PRDM9: variants seen among roughly 807,000 people sequenced by gnomAD.
PRDM9 encodes histone-lysine N-methyltransferase PRDM9.
In PRDM9, 47 loss-of-function variants were observed where a neutral mutation model predicts 55.6. The ratio of observed to expected loss-of-function variants is 0.85; its 90% CI spans 0.67 to 1.08. The LOEUF is 1.08. PRDM9 is among the 50% of genes least tolerant of loss of function. The pLI is 0.00. For synonymous variants in PRDM9, 312 were observed against 375.7 expected (o/e 0.83, Z 1.96); for missense variants, 867 against 1,040.3 (o/e 0.83, Z 2.29).
intron 4 of PRDM9, among the ~76,000 whole-genome samples, chr5:23,510,521 C>A (rs1561016767): frequency 6.6e-6 from 1 of 151,292 alleles, no homozygotes; most frequent in Non-Finnish European, 1.5e-5. Flanking sequence ...CCATGCCAAG[C>A]TAATTTTTGT....
rs1739513805 is a variant in PRDM9, at chr5:23,527,928, C to T, written c.*155C>T. ...AAGAGATCGGAAATAACTGATTAAA[C>T]AAATCCGCCACTTTCATGACTAGAG... On this transcript the variant is annotated 3_prime_UTR_variant, in exon 11 of 11. Coordinates refer to ENST00000296682, the MANE Select transcript of PRDM9 (RefSeq NM_020227.4). 1.0e-6 allele frequency: 1 copy of T among 978,938 alleles called. No homozygotes were observed. The allele number at this position is 978,938 out of a possible 1,614,324, so 60.6% of individuals were successfully genotyped here. A position where few individuals can be genotyped will look rare whatever the true frequency, so the allele number is the denominator to read the frequency against.
chr5:23,509,479 G>A lies in PRDM9; in HGVS notation c.79G>A (p.Ala27Thr). 1 of 1,614,164 alleles carries A rather than the reference G, an allele frequency of 6.2e-7. No homozygotes were observed. The highest frequency in any genetic ancestry group is 2.2e-5 in the East Asian group (1 of 44,872). The change falls in exon 3 of 11, where the codon GCC becomes ACC. Residue 27 changes from alanine to threonine, a missense_variant. Physicochemically the swap from Ala to Thr is moderately conservative, Grantham distance 58. Around this residue, in one of 5 missense-constraint regions of PRDM9, gnomAD observed 662 missense variants for 711.9 expected, o/e 0.93. Coordinates refer to ENST00000296682, the MANE Select transcript of PRDM9 (RefSeq NM_020227.4). The stretch of plus-strand genomic sequence containing the variant: ...CTGTTACTTCCTCTAGGTCAAAGAT[G>A]CCTTCAAAGACATTTCCATATACTT... Reference protein sequence around the residue: ...RTERKPMVKDAFKDISIYFTK... With the variant: ...RTERKPMVKDTFKDISIYFTK...
At chr5:23,517,964 C>T in intron 5 of PRDM9, 34 bp downstream of exon 5, 2 of 1,536,450 alleles carry the variant, frequency 1.3e-6, no homozygotes, top group East Asian at 2.2e-5. Flanking sequence ...GACAAGAAAC[C>T]TTCCTCATGG....
intron 4 of PRDM9, among the ~76,000 whole-genome samples, chr5:23,514,291 A>C (rs1322015146): frequency 2.0e-5 from 3 of 152,168 alleles, no homozygotes; most frequent in Non-Finnish European, 2.9e-5. Flanking sequence ...CCTGGAAGTA[A>C]AAAATCAGAG....
At position 23,527,910 on chromosome 5, in the gene PRDM9, C is replaced by G; in HGVS notation, c.*137C>G. 9.0e-7 allele frequency: 1 copy of G among 1,114,942 alleles called. No homozygotes were observed. Among genetic ancestry groups the G allele is most frequent in the Non-Finnish European group, 1.3e-6 (1 of 759,732 alleles). The allele number at this position is 1,114,942 out of a possible 1,614,324, so 69.1% of individuals were successfully genotyped here. On this transcript the variant is annotated 3_prime_UTR_variant, in exon 11 of 11. Coordinates refer to ENST00000296682, the MANE Select transcript of PRDM9 (RefSeq NM_020227.4). ...ATATTCCCCGAGAGTATAAAGAGAT[C>G]GGAAATAACTGATTAAACAAATCCG...
chr5:23,517,027 C>T (rs370896016), intron 4 of PRDM9, among the ~76,000 whole-genome samples: 2 of 150,540 alleles, frequency 1.3e-5, no homozygotes, highest in Admixed American at 1.3e-4. Context: ...GTGGTGGGCG[C>T]CTGTAGTCCC....
rs758691394 is a variant in PRDM9 at position 23,521,179 on chromosome 5, G to C, written c.508G>C (p.Glu170Gln). 1.9e-5 allele frequency: 30 copies of C among 1,612,706 alleles called. No homozygotes were observed. The highest frequency in any genetic ancestry group is 2.5e-5 in the Non-Finnish European group (29 of 1,179,990). ...TGGACAGCACTCAAGACTAAAACTG[G>C]GTAAGAAAAAATATTTGCGGGGACT... ...TSGQHSRLKL[E>Q]LRKKETERKM... The change falls in exon 6 of 11, where the codon GAA (glutamate) becomes CAA (glutamine). Residue 170 changes from glutamate to glutamine, a missense_variant and splice_region_variant. By Grantham distance (29) the Glu-to-Gln change is conservative (BLOSUM62 2). Coordinates refer to ENST00000296682, the MANE Select transcript of PRDM9 (RefSeq NM_020227.4).
In PRDM9 at chr5:23,510,123, T is replaced by A. The variant is rs1370143782; in HGVS notation, c.301+96T>A. The A allele has an allele frequency of 1.4e-5, 17 of 1,238,494 alleles. No homozygotes were observed. The South Asian group carries it at 2.1e-4, about 15-fold the overall frequency. 76.7% of individuals were successfully genotyped at this position (1,238,494 alleles called of 1,614,324 possible). Reference sequence around the variant, plus strand: ...AGGCTGGGGTGCAATGGCATGATCTTGGCTCACTGCAATCTCCACCTCCCA... The same window carrying A: ...AGGCTGGGGTGCAATGGCATGATCTAGGCTCACTGCAATCTCCACCTCCCA... On this transcript the variant is annotated intron_variant, in intron 4 of 10. Coordinates refer to ENST00000296682, the MANE Select transcript of PRDM9 (RefSeq NM_020227.4).
rs1362156046 is a variant in PRDM9 at position 23,527,993 on chromosome 5, G to A, written c.*220G>A. 2.6e-5 allele frequency: 18 copies of A among 681,364 alleles called. No individual in the cohort carries two copies. Among genetic ancestry groups the A allele is most frequent in the Middle Eastern group, 4.0e-4 (1 of 2,470 alleles). The allele number at this position is 681,364 out of a possible 1,614,324, so 42.2% of individuals were successfully genotyped here. A position where few individuals can be genotyped will look rare whatever the true frequency, so the allele number is the denominator to read the frequency against. On this transcript the variant is annotated 3_prime_UTR_variant, in exon 11 of 11. Coordinates refer to ENST00000296682, the MANE Select transcript of PRDM9 (RefSeq NM_020227.4). ...GGGATAGTTCTGTAAGTGTTCGGGG[G>A]ACATCAGCATGTGTGGTTCTTTCCC...
At chr5:23,508,857 G>A (rs1739033044) in intron 1 of PRDM9, 93 bp from the exon 2 acceptor site, 2 of 717,500 alleles carry the variant, frequency 2.8e-6, no homozygotes, top group South Asian at 3.5e-5. Flanking sequence ...ACATCTTCCT[G>A]CTCTGAACAC....
Position 23,526,752 on chromosome 5 carries a change from G to A in PRDM9, c.1664G>A (p.Arg555Lys). The change falls in exon 11 of 11, where the codon AGG (arginine) becomes AAG (lysine). Residue 555 changes from arginine to lysine, a missense_variant. By Grantham distance (26) the Arg-to-Lys change is conservative. Transcript: ENST00000296682. ...THTGEKLYVC[R>K]ECGRGFSWKS... ...ACAGGGGAGAAGCTCTACGTCTGCA[G>A]GGAGTGTGGGCGGGGCTTTAGCTGG... is the stretch of plus-strand genomic sequence containing the variant. 2 of 1,598,286 alleles carry A rather than the reference G, an allele frequency of 1.3e-6. No individual in the cohort carries two copies. Among genetic ancestry groups the A allele is most frequent in the Non-Finnish European group, 1.7e-6 (2 of 1,173,578 alleles).
chr5:23,509,336 A>G, intron 2 of PRDM9, 134 bp from the exon 3 acceptor site: 1 of 1,501,214 alleles, frequency 6.7e-7, no homozygotes, highest in Non-Finnish European at 9.2e-7. Flanking sequence ...CACAGTCTGG[A>G]GAAGGAGGGA....
intron 4 of PRDM9, among the ~76,000 whole-genome samples, chr5:23,517,125 C>T (rs1398017130): frequency 6.9e-6 from 1 of 145,470 alleles, no homozygotes; most frequent in Non-Finnish European, 1.5e-5. Context: ...TGCACTCCAG[C>T]CTGGGCGACA....
At chr5:23,516,347 G>T (rs1332861049) in intron 4 of PRDM9, among the ~76,000 whole-genome samples, 2 of 152,066 alleles carry the variant, frequency 1.3e-5, no homozygotes, top group South Asian at 2.1e-4. Flanking sequence ...CTGATTTGGG[G>T]TGTTGATTTT....
rs567475714 is a variant in PRDM9 at position 23,509,541 on chromosome 5, G to A, written c.141G>A (p.Glu47=). 1.2e-6 allele frequency: 2 copies of A among 1,614,164 alleles called. No homozygotes were observed. Among genetic ancestry groups the A allele is most frequent in the South Asian group, 2.2e-5 (2 of 91,080 alleles). Residue 47 remains glutamate, a synonymous_variant, in exon 3 of 11, where the codon GAG becomes GAA. Coordinates refer to ENST00000296682, the MANE Select transcript of PRDM9 (RefSeq NM_020227.4). ...AATGGGCAGAGATGGGAGACTGGGA[G>A]AAAACTCGCTATAGGAATGTGAAAA... ...KEEWAEMGDW[E]KTRYRNVKRN...
In PRDM9 at chr5:23,527,429, T is replaced by A. The variant is rs1286753831; in HGVS notation, c.2341T>A (p.Cys781Ser). ...GGAGAAGCCCTATGTCTGCAGGGAG[T>A]GTGGGCGGGGCTTTAGAGATAAGTC... ...TGEKPYVCRE[C>S]GRGFRDKSNL... The change falls in exon 11 of 11, where the codon TGT (cysteine) becomes AGT (serine). Residue 781 changes from cysteine to serine, a missense_variant. By Grantham distance (112) the Cys-to-Ser change is moderately radical. Coordinates refer to ENST00000296682, the MANE Select transcript of PRDM9 (RefSeq NM_020227.4). 1.9e-6 allele frequency: 3 copies of A among 1,578,056 alleles called. No homozygotes were observed. Among genetic ancestry groups the A allele is most frequent in the Non-Finnish European group, 2.6e-6 (3 of 1,166,906 alleles).
intron 9 of PRDM9, among the ~76,000 whole-genome samples, chr5:23,523,835 A>T (rs1308302146): frequency 6.6e-6 from 1 of 152,140 alleles, no homozygotes; most frequent in African/African-American, 2.4e-5. Context: ...GAGACTTCTA[A>T]GTTTCTCTGG....
chr5:23,509,320 AT>A, intron 2 of PRDM9, 149 bp from the exon 3 acceptor site: 1 of 1,457,408 alleles, frequency 6.9e-7, no homozygotes, highest in Non-Finnish European at 9.6e-7. Flanking sequence ...GCTCAGTTAA[AT>A]GGGACACAGT....
In PRDM9 at chr5:23,522,818, A is replaced by G; in HGVS notation, c.815A>G (p.His272Arg). 1.2e-6 allele frequency: 2 copies of G among 1,614,248 alleles called. No individual in the cohort carries two copies. The highest frequency in any genetic ancestry group is 1.7e-6 in the Non-Finnish European group (2 of 1,180,044). Reference protein sequence around the residue: ...NEASDLPLGLHFGPYEGRITE... With the variant: ...NEASDLPLGLRFGPYEGRITE... Reference sequence around the variant, plus strand: ...GCATCTGATCTGCCGCTGGGTCTGCACTTTGGCCCTTATGAGGGCCGAATT... The same window carrying G: ...GCATCTGATCTGCCGCTGGGTCTGCGCTTTGGCCCTTATGAGGGCCGAATT... Residue 272 changes from histidine (H) to arginine (R), a missense_variant, in exon 8 of 11, where the codon CAC becomes CGC. Coordinates refer to ENST00000296682, the MANE Select transcript of PRDM9 (RefSeq NM_020227.4).
Sources: allele counts gnomAD v4.1 joint callset (sites outside exome capture counted in the v4.1 genomes callset), GRCh38; gene constraint gnomAD v4.1.1; regional missense constraint gnomAD v4.1.1; transcripts MANE v1.5; gene names NCBI Gene and HGNC (gene_info 2026-07-23, HGNC 2026-07-21).